The following RBM47 variants were observed in gnomAD, a reference collection of about 807,000 sequenced individuals.
RBM47 encodes the protein RNA-binding protein 47.
RBM47 carries 21 observed loss-of-function variants against 47.1 expected under a neutral mutation model. The ratio of observed to expected loss-of-function variants is 0.45; its 90% CI spans 0.32 to 0.64. The LOEUF is 0.64. Among genes scored for constraint, RBM47 ranks in the 30% least tolerant of loss-of-function variants. The probability of loss-of-function intolerance (pLI) is 0.05; values close to 1 mark genes in which losing one functional copy is unlikely to be tolerated. For missense variants in RBM47, 708 were observed against 870.9 expected (o/e 0.81, Z 2.35); for synonymous variants, 375 against 361.7 (o/e 1.04, Z -0.42).
At chr4:40,619,626 AG>A (rs1166377724) in intron 1 of RBM47, among the ~76,000 whole-genome samples, 2 of 152,128 alleles carry the variant, frequency 1.3e-5, no homozygotes, top group African/African-American at 4.8e-5. Context: ...TCCCAGCCTT[AG>A]GACCTTCATG....
chr4:40,455,808 C>G (rs1487537814), intron 3 of RBM47, among the ~76,000 whole-genome samples: 1 of 152,192 alleles, frequency 6.6e-6, no homozygotes, highest in Non-Finnish European at 1.5e-5. Flanking sequence ...AGTAAATGCT[C>G]AAGGCCCTTT....
At chr4:40,579,161 G>A (rs1473553146) in intron 1 of RBM47, among the ~76,000 whole-genome samples, 3 of 149,652 alleles carry the variant, frequency 2.0e-5, no homozygotes, top group African/African-American at 7.4e-5. Flanking sequence ...GGTGGCTCAC[G>A]CTTGTAATCC....
rs1711589006 is a variant in RBM47 at position 40,432,976 on chromosome 4, T to C, written c.1331-114A>G. 6 of 1,417,714 alleles carry C rather than the reference T, an allele frequency of 4.2e-6. No homozygotes were observed. The South Asian group carries it at 5.7e-5, about 14-fold the overall frequency. The allele number at this position is 1,417,714 out of a possible 1,614,324, so 87.8% of individuals were successfully genotyped here. A position where few individuals can be genotyped will look rare whatever the true frequency, so the allele number is the denominator to read the frequency against. ...TATTTTTTTAAAAACTTTTCTTTTT[T>C]TTGAGACAGGGTCTCACTCTGTGGC... is the stretch of plus-strand genomic sequence containing the variant. On this transcript the variant is annotated intron_variant, in intron 5 of 6. Transcript: ENST00000295971.
Position 40,616,322 on chromosome 4 carries a change from C to T in RBM47, c.-240+13074G>A, listed in dbSNP as rs978704577. On this transcript the variant is annotated intron_variant, in intron 1 of 6. Coordinates refer to ENST00000295971, the MANE Select transcript of RBM47 (RefSeq NM_001098634.2). ...TGAGCCGAGATCGCGCCACTGCACTCCAGCCTGGGCGACAGAGCGAGACTC... is the reference window on the plus strand; with the variant it reads ...TGAGCCGAGATCGCGCCACTGCACTTCAGCCTGGGCGACAGAGCGAGACTC... 1.3e-4 allele frequency among the ~76,000 whole-genome samples: 19 copies of T among 149,510 alleles called. No homozygotes were observed. In the Admixed American group the frequency reaches 1.3e-3, roughly 10 times the overall value.
chr4:40,539,958 A>G (rs1465658271), intron 2 of RBM47, among the ~76,000 whole-genome samples: 2 of 152,092 alleles, frequency 1.3e-5, no homozygotes, highest in African/African-American at 4.8e-5. Flanking sequence ...TCAACTTGTG[A>G]GTTAAATAAT....
chr4:40,471,239 C>T (rs971950793), intron 2 of RBM47, among the ~76,000 whole-genome samples: 1 of 152,094 alleles, frequency 6.6e-6, no homozygotes, highest in African/African-American at 2.4e-5. Flanking sequence ...TGAAAGATCA[C>T]CATTATAAGG....
At chr4:40,492,173 A>G (rs1721972775) in intron 2 of RBM47, 1 of 153,002 alleles carries the variant, frequency 6.5e-6, no homozygotes, top group African/African-American at 2.4e-5. Context: ...GTTCGAGACC[A>G]GCCTGGGCAA....
intron 3 of RBM47, among the ~76,000 whole-genome samples, chr4:40,440,383 A>G (rs1713435100): frequency 6.6e-6 from 1 of 152,170 alleles, no homozygotes; most frequent in Non-Finnish European, 1.5e-5. Context: ...AAATCTTTGT[A>G]AAAACATCAT....
intron 1 of RBM47, among the ~76,000 whole-genome samples, chr4:40,576,348 G>T (rs1398423773): frequency 1.3e-5 from 2 of 151,104 alleles, no homozygotes; most frequent in South Asian, 2.1e-4. Flanking sequence ...TAGAGATGGG[G>T]TCTTGCTATG....
At chr4:40,459,947 G>C (rs958347489) in intron 3 of RBM47, among the ~76,000 whole-genome samples, 22 of 152,116 alleles carry the variant, frequency 1.4e-4, no homozygotes, top group Non-Finnish European at 2.6e-4. Flanking sequence ...GTAGAGACGG[G>C]GTTTCACCAC....
intron 1 of RBM47, among the ~76,000 whole-genome samples, chr4:40,572,894 G>C (rs1731868345): frequency 6.6e-6 from 1 of 151,836 alleles, no homozygotes; most frequent in African/African-American, 2.4e-5. Context: ...ACTCACACCT[G>C]GAATCACAAC....
At chr4:40,443,765 C>G (rs1345608747) in intron 3 of RBM47, among the ~76,000 whole-genome samples, 1 of 128,198 alleles carries the variant, frequency 7.8e-6, no homozygotes, top group African/African-American at 2.9e-5. Context: ...TACACTGACT[C>G]AGGTTAACAC....
intron 3 of RBM47, among the ~76,000 whole-genome samples, chr4:40,440,942 G>T (rs1163108229): frequency 6.6e-6 from 1 of 152,026 alleles, no homozygotes; most frequent in East Asian, 1.9e-4. Flanking sequence ...TAATTCTTAA[G>T]ATAAACATCT....
chr4:40,460,849 C>G (rs376389511), intron 3 of RBM47, among the ~76,000 whole-genome samples: 5 of 137,618 alleles, frequency 3.6e-5, no homozygotes, highest in Admixed American at 3.2e-4. Flanking sequence ...GATCGCACCA[C>G]TGCACTCCAG....
rs571631042 is a variant in RBM47 at position 40,442,443 on chromosome 4, C to T, written c.-31-3519G>A. Among the ~76,000 whole-genome samples, 5 of 152,152 alleles carry T rather than the reference C, an allele frequency of 3.3e-5. No homozygotes were observed. The South Asian group carries it at 8.3e-4, about 25-fold the overall frequency. ...TGGTAGGAATATAAAATGGTACAGC[C>T]GCTGTAAAAAACAGTATGGTGGTTC... On this transcript the variant is annotated intron_variant, in intron 3 of 6. Coordinates refer to ENST00000295971, the MANE Select transcript of RBM47 (RefSeq NM_001098634.2).
chr4:40,513,121 A>G (rs1725159821), intron 2 of RBM47, among the ~76,000 whole-genome samples: 1 of 152,236 alleles, frequency 6.6e-6, no homozygotes, highest in Admixed American at 6.5e-5. Context: ...CTGAATATAC[A>G]AAGCCACAGC....
intron 2 of RBM47, among the ~76,000 whole-genome samples, chr4:40,509,994 C>CT (rs1240601747): frequency 2.0e-5 from 3 of 151,884 alleles, no homozygotes; most frequent in Non-Finnish European, 2.9e-5. Flanking sequence ...TCAAGACCAG[C>CT]TTGACCAACA....
At chr4:40,447,012 T>C (rs1714641743) in intron 3 of RBM47, among the ~76,000 whole-genome samples, 1 of 152,138 alleles carries the variant, frequency 6.6e-6, no homozygotes, top group South Asian at 2.1e-4. Flanking sequence ...CATCCATGTG[T>C]AAGCCTGTTT....
At chr4:40,571,824 G>A (rs1485527652) in intron 1 of RBM47, among the ~76,000 whole-genome samples, 1 of 151,440 alleles carries the variant, frequency 6.6e-6, no homozygotes, top group Non-Finnish European at 1.5e-5. Flanking sequence ...TTAGAGAACA[G>A]CCTGGCCAAT....
Sources: allele counts gnomAD v4.1 joint callset (sites outside exome capture counted in the v4.1 genomes callset), GRCh38; gene constraint gnomAD v4.1.1; transcripts MANE v1.5; gene names NCBI Gene and HGNC (gene_info 2026-07-23, HGNC 2026-07-21).